Variants in FRMD7 observed in about 807,000 individuals in gnomAD.
FRMD7 encodes the protein FERM domain-containing protein 7.
Under a neutral mutation model 44.1 loss-of-function variants are expected in FRMD7, and 14 were observed. The ratio of observed to expected loss-of-function variants is 0.32; its 90% CI spans 0.21 to 0.50. FRMD7 has a LOEUF of 0.50. Among genes scored for constraint, FRMD7 ranks in the 20% least tolerant of loss-of-function variants. The pLI is 0.99. For missense variants in FRMD7, 501 were observed against 522.3 expected (o/e 0.96, Z 0.40); for synonymous variants, 212 against 187.4 (o/e 1.13, Z -1.07).
intron 1 of FRMD7, among the ~76,000 whole-genome samples, chrX:132,105,530 A>C (rs911950105): frequency 9.8e-5 from 11 of 111,972 alleles, no homozygotes; most frequent in African/African-American, 3.2e-4. Flanking sequence ...ACGTTGAACA[A>C]AAAAAGAGCC....
chrX:132,111,055 A>C (rs1928766377), intron 1 of FRMD7, among the ~76,000 whole-genome samples: 2 of 111,167 alleles, frequency 1.8e-5, no homozygotes, highest in African/African-American at 6.6e-5. Context: ...ATGGTGGTGC[A>C]TCCCTGTAGT....
chrX:132,104,746 C>A (rs1386622685), intron 1 of FRMD7, among the ~76,000 whole-genome samples: 2 of 111,795 alleles, frequency 1.8e-5, no homozygotes, highest in African/African-American at 6.5e-5. Flanking sequence ...GGCAGATGCC[C>A]ACATTGTGAT....
At position 132,126,097 on chromosome X, in the gene FRMD7, TATCATC is replaced by T. The variant is rs59070665; in HGVS notation, c.57+1685_57+1690del. ...TCACCACCATTATCATCATCATCAC[TATCATC>T]ATCATCATCATCATCATCAATCTAT... is the stretch of plus-strand genomic sequence containing the variant. On this transcript the variant is annotated intron_variant, in intron 1 of 11. Transcript: ENST00000298542. Among the ~76,000 whole-genome samples, 663 of 107,105 alleles carry T rather than the reference TATCATC, an allele frequency of 6.2e-3. 1 individual carries two copies. The highest frequency in any genetic ancestry group is 0.01 in the Non-Finnish European group (535 of 51,848). 93.0% of individuals were successfully genotyped at this position (107,105 alleles called of 115,157 possible). A position where few individuals can be genotyped will look rare whatever the true frequency, so the allele number is the denominator to read the frequency against.
intron 4 of FRMD7, among the ~76,000 whole-genome samples, chrX:132,095,996 T>A (rs991726183): frequency 2.7e-5 from 3 of 112,368 alleles, no homozygotes; most frequent in African/African-American, 9.7e-5. Flanking sequence ...GAATCATTTA[T>A]CATCACATTG....
chrX:132,096,069 T>C (rs916582655), intron 4 of FRMD7, among the ~76,000 whole-genome samples: 3 of 111,422 alleles, frequency 2.7e-5, no homozygotes, highest in Admixed American at 1.9e-4. Flanking sequence ...TTGGTCACAA[T>C]TTAAAACTCA....
At chrX:132,088,400 A>G (rs1471539922) in intron 5 of FRMD7, among the ~76,000 whole-genome samples, 1 of 110,422 alleles carries the variant, frequency 9.1e-6, no homozygotes, top group Admixed American at 9.7e-5. Context: ...AAAATGTAAA[A>G]ATTAGCTGGG....
chrX:132,083,111 C>T (rs989833511), intron 8 of FRMD7, among the ~76,000 whole-genome samples: 2 of 111,029 alleles, frequency 1.8e-5, no homozygotes, highest in Non-Finnish European at 3.8e-5. Context: ...CCACCATACC[C>T]GCTTAATTTC....
intron 5 of FRMD7, among the ~76,000 whole-genome samples, chrX:132,087,955 C>T (rs968992646): frequency 1.8e-5 from 2 of 111,251 alleles, no homozygotes; most frequent in Admixed American, 9.5e-5. Context: ...AAAAATAACC[C>T]GCACATTATC....
At position 132,077,888 on chromosome X, in the gene FRMD7, T is replaced by C. The variant is rs1292421104; in HGVS notation, c.2129A>G (p.Asn710Ser). ...TTCACACTTTTAAGCTAAAAAGTAA[T>C]TACATGGTTTTAGTGAAGTCCTGTC... Reference protein sequence around the residue: ...AEDRTSLKPCNYFLA With the variant: ...AEDRTSLKPCSYFLA The change falls in exon 12 of 12, where the codon AAT (asparagine) becomes AGT (serine). Residue 710 changes from asparagine (N) to serine (S), a missense_variant. By Grantham distance (46) the Asn-to-Ser change is conservative. Coordinates refer to ENST00000298542, the MANE Select transcript of FRMD7 (RefSeq NM_194277.3). The C allele has an allele frequency of 8.3e-7, 1 of 1,209,477 alleles. No homozygotes were observed.
intron 1 of FRMD7, 56 bp from the exon 2 acceptor site, chrX:132,100,772 C>T: frequency 3.5e-6 from 3 of 853,970 alleles, no homozygotes; most frequent in Admixed American, 2.2e-5. Context: ...GATACTGCAG[C>T]ACGGAATAAA....
intron 1 of FRMD7, among the ~76,000 whole-genome samples, chrX:132,126,061 T>TATC (rs975708967): frequency 9.5e-6 from 1 of 105,425 alleles, no homozygotes; most frequent in Admixed American, 9.9e-5. Context: ...TCACTACTGC[T>TATC]ATCATCATCA....
intron 1 of FRMD7, among the ~76,000 whole-genome samples, chrX:132,126,866 A>T (rs1055576331): frequency 4.5e-5 from 5 of 112,216 alleles, no homozygotes; most frequent in Admixed American, 2.8e-4. Flanking sequence ...GTCATCACTC[A>T]CAAAGCACAT....
Position 132,078,524 on chromosome X carries a change from T to A in FRMD7, c.1493A>T (p.Tyr498Phe), listed in dbSNP as rs200838126. 2.8e-5 allele frequency: 34 copies of A among 1,209,210 alleles called. 1 individual carries two copies. In the East Asian group the frequency reaches 9.5e-4, roughly 34 times the overall value. ...GGGCACCTGGGGTGGCTTGTCCACA[T>A]AAAAAAAGACCTGGGGAGGCATAAT... ...VGIMPPQVFFYVDKPPQVPRW... is the reference protein window; with the variant it reads ...VGIMPPQVFFFVDKPPQVPRW... Residue 498 changes from tyrosine to phenylalanine, a missense_variant, in exon 12 of 12, where the codon TAT (tyrosine) becomes TTT (phenylalanine). Around this residue, in one of 3 missense-constraint regions of FRMD7, gnomAD observed 453 missense variants for 452.7 expected, o/e 1.00. Transcript: ENST00000298542.
At chrX:132,087,094 C>G (rs1382189783) in intron 5 of FRMD7, among the ~76,000 whole-genome samples, 2 of 112,030 alleles carry the variant, frequency 1.8e-5, no homozygotes, top group Non-Finnish European at 3.8e-5. Flanking sequence ...CCTTAATTGC[C>G]TCAGATTGTT....
In FRMD7 at chrX:132,077,045, A is replaced by G. The variant is rs184089624; in HGVS notation, c.*827T>C. ...TTTTCCATCACACTTTATTACAATA[A>G]CATTCATTTCCTGGCCTGCATACAT... On this transcript the variant is annotated 3_prime_UTR_variant, in exon 12 of 12. Coordinates refer to ENST00000298542, the MANE Select transcript of FRMD7 (RefSeq NM_194277.3). The G allele has an allele frequency of 5.3e-5, 6 of 112,162 alleles. No homozygotes were observed. Among genetic ancestry groups the G allele is most frequent in the African/African-American group, 1.9e-4 (6 of 30,867 alleles). 9.2% of individuals were successfully genotyped at this position (112,162 alleles called of 1,213,427 possible). A position where few individuals can be genotyped will look rare whatever the true frequency, so the allele number is the denominator to read the frequency against.
chrX:132,091,655 C>T (rs1229721708), intron 5 of FRMD7, among the ~76,000 whole-genome samples: 2 of 97,635 alleles, frequency 2.0e-5, no homozygotes, highest in Non-Finnish European at 4.1e-5. Context: ...GAAACCCTGT[C>T]TCTAACTAAA....
chrX:132,090,558 G>A (rs1928136715), intron 5 of FRMD7, among the ~76,000 whole-genome samples: 1 of 111,274 alleles, frequency 9.0e-6, no homozygotes, highest in South Asian at 3.8e-4. Context: ...GCTGAGCGTG[G>A]GAACAGGGCG....
chrX:132,096,018 C>CTT (rs1266955730), intron 4 of FRMD7, among the ~76,000 whole-genome samples: 1 of 107,408 alleles, frequency 9.3e-6, no homozygotes, highest in African/African-American at 3.4e-5. Context: ...TTTTCCCATT[C>CTT]TTTTTTTTTT....
In FRMD7 at chrX:132,077,847, C is replaced by G. The variant is rs1216397593; in HGVS notation, c.*25G>C. ...CTAAGTCGGTAACATGGAACTGGCT[C>G]AGAAATGTCCATAGGTTCACACTTT... On this transcript the variant is annotated 3_prime_UTR_variant, in exon 12 of 12. Transcript: ENST00000298542. 4 of 1,209,220 alleles carry G rather than the reference C, an allele frequency of 3.3e-6. No individual in the cohort carries two copies. The highest frequency in any genetic ancestry group is 4.5e-6 in the Non-Finnish European group (4 of 894,492).
Sources: allele counts gnomAD v4.1 joint callset (sites outside exome capture counted in the v4.1 genomes callset), GRCh38; gene constraint gnomAD v4.1.1; regional missense constraint gnomAD v4.1.1; transcripts MANE v1.5; gene names NCBI Gene and HGNC (gene_info 2026-07-23, HGNC 2026-07-21).